Variants in OSBP2 observed in about 807,000 individuals in gnomAD.
The protein encoded by OSBP2 is oxysterol binding protein 2.
Under a neutral mutation model 96.0 loss-of-function variants are expected in OSBP2, and 66 were observed. The observed-to-expected ratio is 0.69, with a 90% confidence interval of 0.56 to 0.84. The LOEUF is 0.84. Among genes scored for constraint, OSBP2 ranks in the 40% least tolerant of loss-of-function variants. The pLI, the probability that OSBP2 is intolerant of heterozygous loss-of-function variation, is 0.00. For missense variants in OSBP2, 1,038 were observed against 1,222.7 expected, an observed-to-expected ratio of 0.85 and a Z score of 2.25; for synonymous variants, 525 against 520.9, an observed-to-expected ratio of 1.01 and a Z score of -0.11.
At position 30,695,103 on chromosome 22, in the gene OSBP2, T is replaced by A; in HGVS notation, c.194T>A (p.Leu65Gln). ...QPVPEPERGP[L>Q]SEQVSEAVSE... ...GTGCCCGAACCGGAGCGGGGACCGCTGTCAGAACAGGTGTCGGAGGCAGTT... is the reference window on the plus strand; with the variant it reads ...GTGCCCGAACCGGAGCGGGGACCGCAGTCAGAACAGGTGTCGGAGGCAGTT... Residue 65 changes from leucine (L) to glutamine (Q), a missense_variant, in exon 1 of 14, where the codon CTG (leucine) becomes CAG (glutamine). Physicochemically the swap from Leu to Gln is moderately radical, Grantham distance 113 (BLOSUM62 -2). Coordinates refer to ENST00000332585, the MANE Select transcript of OSBP2 (RefSeq NM_030758.4). The A allele has an allele frequency of 6.3e-7, 1 of 1,584,816 alleles. No homozygotes were observed.
chr22:30,815,066 G>T, intron 2 of OSBP2, among the ~76,000 whole-genome samples: 1 of 152,208 alleles, frequency 6.6e-6, no homozygotes, highest in Non-Finnish European at 1.5e-5. Flanking sequence ...AGGATGGCTT[G>T]AGCCAAGGAG....
At chr22:30,884,649 C>T (rs999469107) in intron 3 of OSBP2, among the ~76,000 whole-genome samples, 1 of 152,146 alleles carries the variant, frequency 6.6e-6, no homozygotes, top group Admixed American at 6.5e-5. Flanking sequence ...GGGCCCCTTT[C>T]CACCGAGCCA....
rs1218747832 is a variant in OSBP2 at position 30,741,324 on chromosome 22, G to A, written c.808G>A (p.Glu270Lys). 4.3e-6 allele frequency: 7 copies of A among 1,613,200 alleles called. No homozygotes were observed. In the South Asian group the frequency reaches 7.7e-5, roughly 18 times the overall value. Residue 270 changes from glutamate to lysine, a missense_variant, in exon 2 of 14, where the codon GAG (glutamate) becomes AAG (lysine). Physicochemically the swap from Glu to Lys is moderately conservative, Grantham distance 56. Transcript: ENST00000332585. ...CCGGCAGCAGTGGATCACCGCCCTG[G>A]AGCTGGCCAAGGCCAAGGCTGTCCG... The part of the protein sequence containing the change: ...VDRQQWITAL[E>K]LAKAKAVRVM...
chr22:30,789,221 T>G (rs2145822362), intron 2 of OSBP2, among the ~76,000 whole-genome samples: 1 of 152,258 alleles, frequency 6.6e-6, no homozygotes, highest in Non-Finnish European at 1.5e-5. Flanking sequence ...TAGAAGAACT[T>G]CAGTGCTCAA....
intron 6 of OSBP2, 22 bp from the exon 7 acceptor site, chr22:30,889,468 G>T: frequency 6.2e-7 from 1 of 1,613,950 alleles, no homozygotes. Flanking sequence ...TGACGGTGAG[G>T]GGGTCCCCAC....
intron 2 of OSBP2, among the ~76,000 whole-genome samples, chr22:30,864,390 C>A (rs2039285993): frequency 6.6e-6 from 1 of 152,182 alleles, no homozygotes; most frequent in African/African-American, 2.4e-5. Flanking sequence ...CACAATGGGG[C>A]TCTGGCAGAG....
At chr22:30,856,509 C>T (rs926089713) in intron 2 of OSBP2, among the ~76,000 whole-genome samples, 2 of 151,284 alleles carry the variant, frequency 1.3e-5, no homozygotes, top group Non-Finnish European at 2.9e-5. Context: ...GCCTCAGCCT[C>T]CTGAGTAGCT....
chr22:30,771,759 A>T (rs567441359), intron 2 of OSBP2, among the ~76,000 whole-genome samples: 111 of 152,340 alleles, frequency 7.3e-4, no homozygotes, highest in Middle Eastern at 3.4e-3. Context: ...CTTCCACCTG[A>T]ATCAGGATTA....
Position 30,780,393 on chromosome 22 carries a change from C to A in OSBP2, c.853+39024C>A, listed in dbSNP as rs370299186. ...CAGCCCCTGCTACGTATAAAGAACC[C>A]GACACGCATGACACGGAGTAAATGT... On this transcript the variant is annotated intron_variant, in intron 2 of 13. Transcript: ENST00000332585. 7.9e-5 allele frequency among the ~76,000 whole-genome samples: 12 copies of A among 152,324 alleles called. No homozygotes were observed. The East Asian group carries it at 1.7e-3, about 22-fold the overall frequency.
At chr22:30,895,952 ACTT>A (rs1255993382) in intron 12 of OSBP2, among the ~76,000 whole-genome samples, 5 of 150,910 alleles carry the variant, frequency 3.3e-5, no homozygotes, top group African/African-American at 1.2e-4. Flanking sequence ...TGGACACAGT[ACTT>A]TAAAGGGGAG....
At chr22:30,896,211 G>A (rs995732348) in intron 12 of OSBP2, among the ~76,000 whole-genome samples, 10 of 151,916 alleles carry the variant, frequency 6.6e-5, no homozygotes, top group African/African-American at 2.4e-4. Flanking sequence ...GTAAAGACGG[G>A]GTTTCACCAT....
At chr22:30,760,057 A>C (rs1235972210) in intron 2 of OSBP2, among the ~76,000 whole-genome samples, 1 of 151,800 alleles carries the variant, frequency 6.6e-6, no homozygotes, top group Non-Finnish European at 1.5e-5. Context: ...TAGTAGAGAC[A>C]GGGTTTCACC....
In OSBP2 at chr22:30,841,271, T is replaced by C. The variant is rs1184009878; in HGVS notation, c.854-29158T>C. 2.6e-5 allele frequency among the ~76,000 whole-genome samples: 4 copies of C among 152,210 alleles called. No homozygotes were observed. The East Asian group carries it at 7.7e-4, about 29-fold the overall frequency. On this transcript the variant is annotated intron_variant, in intron 2 of 13. Coordinates refer to ENST00000332585, the MANE Select transcript of OSBP2 (RefSeq NM_030758.4). ...CATCGTTACACTCAATTTTAGAACA[T>C]TTTTATCCCTCCTGAAATAAATCTT...
chr22:30,759,296 C>T (rs536654354), intron 2 of OSBP2, among the ~76,000 whole-genome samples: 4 of 152,118 alleles, frequency 2.6e-5, no homozygotes, highest in East Asian at 1.9e-4. Context: ...TGCAGTGAGC[C>T]GAGATTGCAC....
chr22:30,812,640 C>T (rs2091025010), intron 2 of OSBP2, among the ~76,000 whole-genome samples: 1 of 152,152 alleles, frequency 6.6e-6, no homozygotes, highest in Non-Finnish European at 1.5e-5. Flanking sequence ...GCATAGATTT[C>T]TAGAAGTGGA....
chr22:30,717,348 A>G, intron 1 of OSBP2, among the ~76,000 whole-genome samples: 1 of 152,110 alleles, frequency 6.6e-6, no homozygotes, highest in East Asian at 1.9e-4. Context: ...TTTCAACATC[A>G]TTTGTTGAAG....
intron 2 of OSBP2, among the ~76,000 whole-genome samples, chr22:30,803,873 G>C (rs1203106053): frequency 1.3e-5 from 2 of 152,114 alleles, no homozygotes; most frequent in African/African-American, 4.8e-5. Flanking sequence ...CTCCAGTGGT[G>C]CCTGTCACAG....
At position 30,754,051 on chromosome 22, in the gene OSBP2, C is replaced by CTAAGA. The variant is rs1269468105; in HGVS notation, c.853+12682_853+12683insTAAGA. On this transcript the variant is annotated intron_variant, in intron 2 of 13. Transcript: ENST00000332585. ...AATATTGTGTCACATTGATCAAACT[C>CTAAGA]CAAGAAATCAGAGGCACACAGCACT... Among the ~76,000 whole-genome samples the CTAAGA allele has an allele frequency of 2.0e-5, 3 of 152,168 alleles. No individual in the cohort carries two copies. In the East Asian group the frequency reaches 5.8e-4, roughly 30 times the overall value.
intron 1 of OSBP2, among the ~76,000 whole-genome samples, chr22:30,714,654 T>C (rs1294673028): frequency 6.6e-6 from 1 of 152,192 alleles, no homozygotes; most frequent in African/African-American, 2.4e-5. Context: ...AGTTTCACTC[T>C]TGCCCAGGCT....
Sources: gnomAD v4.1 joint callset for allele counts (sites outside exome capture counted in the v4.1 genomes callset) on GRCh38, gnomAD v4.1.1 for gene constraint, MANE v1.5 for transcripts, NCBI Gene and HGNC (gene_info 2026-07-23, HGNC 2026-07-21) for gene names.